The following AP3B1 variants were observed in gnomAD, a reference collection of about 807,000 sequenced individuals.
AP3B1 encodes adaptor related protein complex 3 subunit beta 1.
A neutral mutation model predicts 132.5 loss-of-function variants in AP3B1; 61 were observed. The observed-to-expected ratio is 0.46, with a 90% CI of 0.37 to 0.57. The LOEUF (loss-of-function observed/expected upper bound fraction) is 0.57, where lower values mean the gene tolerates loss of function less well. AP3B1 is among the 20% of genes least tolerant of loss of function. The pLI, the probability that AP3B1 is intolerant of heterozygous loss-of-function variation, is 0.00. For synonymous variants in AP3B1, 388 were observed against 438.3 expected (o/e 0.89, Z 1.43); for missense variants, 1,120 against 1,289.4 (o/e 0.87, Z 2.01).
chr5:78,119,233 A>T (rs1248157962), intron 17 of AP3B1, among the ~76,000 whole-genome samples: 3 of 152,158 alleles, frequency 2.0e-5, no homozygotes. Context: ...AACCACAAAG[A>T]TGGGGAAAAA....
chr5:78,189,085 G>C (rs778245387), intron 7 of AP3B1, among the ~76,000 whole-genome samples: 7 of 152,154 alleles, frequency 4.6e-5, no homozygotes, highest in Non-Finnish European at 8.8e-5. Flanking sequence ...GGCAGGGTTA[G>C]TGGGGAGAGC....
intron 25 of AP3B1, among the ~76,000 whole-genome samples, chr5:78,020,168 C>CT (rs1221517735): frequency 1.3e-5 from 2 of 151,974 alleles, no homozygotes; most frequent in African/African-American, 2.4e-5. Flanking sequence ...CTAATAGGTT[C>CT]TGACAACACA....
chr5:78,058,499 C>CAA (rs112904066), intron 22 of AP3B1, among the ~76,000 whole-genome samples: 1 of 140,528 alleles, frequency 7.1e-6, no homozygotes, highest in African/African-American at 2.6e-5. Context: ...GACTCCATCT[C>CAA]AAAAAAAAAA....
In AP3B1 at chr5:78,290,097, C is replaced by T. The variant is rs1580600700; in HGVS notation, c.128+4355G>A. The stretch of plus-strand genomic sequence containing the variant: ...GAAGTACACCATCTCATGAGATCCT[C>T]ACAAAAGAGGCAAGTATTATCACAT... On this transcript the variant is annotated intron_variant, in intron 1 of 26. Transcript: ENST00000255194. Among the ~76,000 whole-genome samples, 3 of 152,132 alleles carry T rather than the reference C, an allele frequency of 2.0e-5. No individual in the cohort carries two copies. In the South Asian group the frequency reaches 6.2e-4, roughly 32 times the overall value.
chr5:78,255,503 A>G (rs1255203314), intron 2 of AP3B1, among the ~76,000 whole-genome samples: 1 of 152,146 alleles, frequency 6.6e-6, no homozygotes, highest in Non-Finnish European at 1.5e-5. Flanking sequence ...GAGACAAAGA[A>G]GGTCACTATA....
chr5:78,141,493 A>G (rs192891497), intron 14 of AP3B1, among the ~76,000 whole-genome samples, 174 bp from the exon 15 acceptor site: 48 of 152,354 alleles, frequency 3.2e-4, no homozygotes, highest in Admixed American at 2.4e-3. Context: ...ATAAACACAT[A>G]GGAAATCTCA....
At chr5:78,123,223 A>C (rs1456700803) in intron 17 of AP3B1, among the ~76,000 whole-genome samples, 2 of 152,264 alleles carry the variant, frequency 1.3e-5, no homozygotes, top group African/African-American at 4.8e-5. Context: ...CTTAAATGTT[A>C]GATCTAAAAC....
intron 6 of AP3B1, chr5:78,222,608 T>C (rs185387978): frequency 3.9e-5 from 6 of 152,152 alleles, no homozygotes; most frequent in Admixed American, 1.3e-4. Context: ...GATAATCATT[T>C]AAAAGTAAAG....
chr5:78,136,929 G>A (rs893174084), intron 15 of AP3B1, among the ~76,000 whole-genome samples: 1 of 152,040 alleles, frequency 6.6e-6, no homozygotes, highest in African/African-American at 2.4e-5. Flanking sequence ...TGAAATCTTG[G>A]ATAGGTTATA....
At chr5:78,020,886 A>G in intron 24 of AP3B1, 97 bp from the exon 25 acceptor site, 2 of 993,302 alleles carry the variant, frequency 2.0e-6, no homozygotes, top group African/African-American at 1.6e-5. Context: ...ATGCTAGCAT[A>G]TACAGTATAA....
intron 26 of AP3B1, among the ~76,000 whole-genome samples, chr5:78,005,253 A>C (rs1746342949): frequency 6.6e-6 from 1 of 152,198 alleles, no homozygotes; most frequent in Non-Finnish European, 1.5e-5. Context: ...TTATTTACTT[A>C]ACACTTGTGC....
Position 78,141,734 on chromosome 5 carries a change from T to C in AP3B1, c.1474-415A>G, listed in dbSNP as rs139275046. On this transcript the variant is annotated intron_variant, in intron 14 of 26. Coordinates refer to ENST00000255194, the MANE Select transcript of AP3B1 (RefSeq NM_003664.5). ...AAAATATTGACTGTCTAGCAATTTA[T>C]AGAAATGGTTTGCTGACCCCTGCTC... Among the ~76,000 whole-genome samples the C allele has an allele frequency of 9.3e-4, 142 of 152,302 alleles. 1 individual carries two copies. The highest frequency in any genetic ancestry group is 3.1e-3 in the African/African-American group (129 of 41,574).
In AP3B1 at chr5:78,123,379, G is replaced by A. The variant is rs570609649; in HGVS notation, c.1968+4651C>T. 2.0e-4 allele frequency among the ~76,000 whole-genome samples: 30 copies of A among 152,246 alleles called. 1 individual carries two copies. In the South Asian group the frequency reaches 5.8e-3, roughly 29 times the overall value. On this transcript the variant is annotated intron_variant, in intron 17 of 26. Coordinates refer to ENST00000255194, the MANE Select transcript of AP3B1 (RefSeq NM_003664.5). ...AATTAAACTAAAGAGCTTCTGCACA[G>A]CAAAAGAAACTACCATCAGAGTGAA...
chr5:78,232,450 C>T (rs536631806), intron 3 of AP3B1, among the ~76,000 whole-genome samples: 22 of 152,252 alleles, frequency 1.4e-4, no homozygotes, highest in African/African-American at 5.1e-4. Flanking sequence ...ACCCACATGA[C>T]CATGCATCTA....
intron 15 of AP3B1, among the ~76,000 whole-genome samples, chr5:78,134,111 AC>A (rs1346326939): frequency 1.4e-5 from 2 of 144,724 alleles, no homozygotes; most frequent in East Asian, 4.0e-4. Context: ...AGATCGCGCC[AC>A]TGCACTGCAG....
chr5:78,233,703 T>G (rs1033576400), intron 3 of AP3B1, among the ~76,000 whole-genome samples: 11 of 152,222 alleles, frequency 7.2e-5, no homozygotes, highest in African/African-American at 2.7e-4. Context: ...ATCTACATTA[T>G]ATTACTCGTT....
intron 2 of AP3B1, among the ~76,000 whole-genome samples, chr5:78,242,413 A>T (rs1561497082): frequency 6.7e-6 from 1 of 149,804 alleles, no homozygotes; most frequent in African/African-American, 2.5e-5. Context: ...TTCTTTCAGA[A>T]TTTTTTTTTT....
chr5:78,131,727 G>T (rs1039985699), intron 15 of AP3B1, among the ~76,000 whole-genome samples: 5 of 152,066 alleles, frequency 3.3e-5, no homozygotes, highest in African/African-American at 1.2e-4. Flanking sequence ...ACAACCTCTT[G>T]ATTAAATCTT....
intron 22 of AP3B1, chr5:78,044,161 C>A (rs538679826): frequency 4.0e-6 from 1 of 247,322 alleles, no homozygotes; most frequent in Non-Finnish European, 8.0e-6. Flanking sequence ...GCTACAAGTA[C>A]TAGAGAGCAA....
Sources: gnomAD v4.1 joint callset for allele counts (sites outside exome capture counted in the v4.1 genomes callset) on GRCh38, gnomAD v4.1.1 for gene constraint, MANE v1.5 for transcripts, NCBI Gene and HGNC (gene_info 2026-07-23, HGNC 2026-07-21) for gene names.